The following INSL6 variants were observed in gnomAD, a reference collection of about 807,000 sequenced individuals.
INSL6 encodes insulin-like peptide INSL6.
INSL6 carries 16 observed loss-of-function variants against 9.4 expected under a neutral mutation model. That is an observed-to-expected ratio of 1.70 (90% confidence interval 1.15 to 2.59). The LOEUF is 2.59. Ranked by LOEUF, INSL6 falls within the 30% of genes most tolerant of loss-of-function variation. The probability of loss-of-function intolerance (pLI) is 0.00; values close to 1 mark genes in which losing one functional copy is unlikely to be tolerated. For missense variants in INSL6, 391 were observed against 257.3 expected (o/e 1.52, Z -3.56); for synonymous variants, 154 against 96.9 (o/e 1.59, Z -3.46).
intron 2 of INSL6, among the ~76,000 whole-genome samples, chr9:5,138,477 C>G (rs372407898): frequency 7.2e-5 from 11 of 152,256 alleles, no homozygotes; most frequent in African/African-American, 2.6e-4. Flanking sequence ...CAAACTAACA[C>G]AAGAACAGAA....
chr9:5,008,011 G>A, the INSL6 span, among the ~76,000 whole-genome samples: 2 of 152,124 alleles, frequency 1.3e-5, no homozygotes, highest in Admixed American at 6.5e-5. Context: ...TTACAGGCAT[G>A]AGCCACCGCG....
the INSL6 span, chr9:5,077,519 G>A: frequency 4.1e-6 from 6 of 1,469,940 alleles, no homozygotes; most frequent in African/African-American, 1.5e-5. Context: ...AATAAAAATT[G>A]TATAAATATA....
chr9:5,091,098 A>G, the INSL6 span: 15 of 467,144 alleles, frequency 3.2e-5, no homozygotes, highest in Non-Finnish European at 5.6e-5. Context: ...GGAAAATGGC[A>G]TATGCTTTAT....
chr9:5,148,008 C>A (rs1824635608), intron 2 of INSL6, among the ~76,000 whole-genome samples: 1 of 152,186 alleles, frequency 6.6e-6, no homozygotes, highest in African/African-American at 2.4e-5. Context: ...GCTTCCTTGC[C>A]ATCCAGATTC....
intron 2 of INSL6, among the ~76,000 whole-genome samples, chr9:5,157,980 A>G (rs1586867613): frequency 6.6e-6 from 1 of 152,226 alleles, no homozygotes; most frequent in African/African-American, 2.4e-5. Flanking sequence ...GAATTCTAAC[A>G]AATAAATTTA....
At chr9:5,157,716 A>C (rs917064583) in intron 2 of INSL6, among the ~76,000 whole-genome samples, 5 of 152,214 alleles carry the variant, frequency 3.3e-5, no homozygotes, top group African/African-American at 1.2e-4. Context: ...AAGACTTCCC[A>C]AGACGGACTG....
At chr9:5,098,732 C>A in the INSL6 span, 2 of 150,206 alleles carry the variant, frequency 1.3e-5, no homozygotes, top group African/African-American at 2.5e-5. Context: ...CTCGCTCTGT[C>A]GCCCAGGCTG....
At chr9:5,023,131 C>A in the INSL6 span, among the ~76,000 whole-genome samples, 1 of 152,078 alleles carries the variant, frequency 6.6e-6, no homozygotes, top group Non-Finnish European at 1.5e-5. Flanking sequence ...ATTTTTGTGC[C>A]CATTAACCAA....
At chr9:5,176,344 T>C (rs979482515) in intron 1 of INSL6, among the ~76,000 whole-genome samples, 1 of 152,194 alleles carries the variant, frequency 6.6e-6, no homozygotes, top group Non-Finnish European at 1.5e-5. Flanking sequence ...ATCTCCCTTA[T>C]CCTGTTTCAT....
At chr9:5,108,423 TTAAATACTTCAGATTCTCTAAATATGC>T in the INSL6 span, 2 of 152,224 alleles carry the variant, frequency 1.3e-5, no homozygotes, top group East Asian at 3.9e-4. Context: ...TGTCTACACT[TTAAATACTTCAGATTCTCTAAATATGC>T]TAGTAATGAT....
the INSL6 span, chr9:5,070,143 T>G: frequency 1.1e-6 from 1 of 872,838 alleles, no homozygotes; most frequent in South Asian, 2.6e-5. Context: ...TTGGAATTAT[T>G]TTGTTATATA....
the INSL6 span, among the ~76,000 whole-genome samples, chr9:5,036,021 A>C: frequency 2.6e-5 from 4 of 152,236 alleles, no homozygotes. Context: ...CTGATAAGCA[A>C]CTTCAGCAAA....
the INSL6 span, among the ~76,000 whole-genome samples, chr9:4,995,834 A>G: frequency 6.6e-6 from 1 of 152,116 alleles, no homozygotes; most frequent in African/African-American, 2.4e-5. Flanking sequence ...TTGGTTTTCC[A>G]TTTTAGTTTT....
At chr9:5,005,279 G>C in the INSL6 span, among the ~76,000 whole-genome samples, 1 of 151,406 alleles carries the variant, frequency 6.6e-6, no homozygotes, top group Non-Finnish European at 1.5e-5. Context: ...TATCTGTTCC[G>C]GTCCTTTGCC....
the INSL6 span, chr9:5,109,441 C>T: frequency 1.1e-4 from 17 of 152,266 alleles, no homozygotes; most frequent in East Asian, 3.9e-4. Context: ...GGATTGGAGT[C>T]ATCCGTTGGC....
At chr9:5,104,458 C>T in the INSL6 span, among the ~76,000 whole-genome samples, 1 of 152,334 alleles carries the variant, frequency 6.6e-6, no homozygotes, top group Admixed American at 6.5e-5. Flanking sequence ...CAGATGGACT[C>T]ACAGCCGAAT....
At chr9:5,037,535 T>C in the INSL6 span, among the ~76,000 whole-genome samples, 4 of 152,078 alleles carry the variant, frequency 2.6e-5, no homozygotes, top group Non-Finnish European at 5.9e-5. Flanking sequence ...CCATGAAAAA[T>C]GATGAGTTCA....
chr9:4,994,642 G>A, the INSL6 span, among the ~76,000 whole-genome samples: 2 of 152,274 alleles, frequency 1.3e-5, no homozygotes, highest in South Asian at 2.1e-4. Flanking sequence ...TAGACAATAC[G>A]TAAATGAACA....
chr9:5,052,129 T>C, the INSL6 span, among the ~76,000 whole-genome samples: 1 of 152,072 alleles, frequency 6.6e-6, no homozygotes, highest in Non-Finnish European at 1.5e-5. Flanking sequence ...CTTTGACCCA[T>C]TGAAGATGAA....
Sources: gnomAD v4.1 joint callset for allele counts (sites outside exome capture counted in the v4.1 genomes callset) on GRCh38, gnomAD v4.1.1 for gene constraint, MANE v1.5 for transcripts, NCBI Gene and HGNC (gene_info 2026-07-23, HGNC 2026-07-21) for gene names.